ARSG: variants seen among roughly 807,000 people sequenced by gnomAD.
ARSG encodes ASG.
ARSG carries 37 observed loss-of-function variants against 50.5 expected under a neutral mutation model. That is an observed-to-expected ratio of 0.73 (90% CI 0.56 to 0.96). ARSG has a LOEUF of 0.96. Among genes scored for constraint, ARSG ranks in the 50% least tolerant of loss-of-function variants. The pLI, the probability that ARSG is intolerant of heterozygous loss-of-function variation, is 0.00. For missense variants in ARSG, 629 were observed against 675.3 expected (o/e 0.93, Z 0.76); for synonymous variants, 225 against 254.6 (o/e 0.88, Z 1.11).
At chr17:68,314,525 CAAAAAAAAA>C (rs57021660) in intron 2 of ARSG, among the ~76,000 whole-genome samples, 1 of 117,006 alleles carries the variant, frequency 8.5e-6, no homozygotes. Context: ...GACTCCATCT[CAAAAAAAAA>C]AAAAAAAAAA....
chr17:68,450,982 G>A, the ARSG span: 2 of 1,506,166 alleles, frequency 1.3e-6, no homozygotes, highest in Admixed American at 4.7e-5. Context: ...GCCCGGCGCA[G>A]GCCAGGTTCC....
intron 10 of ARSG, chr17:68,401,137 C>A (rs778056163): frequency 7.7e-6 from 4 of 518,072 alleles, no homozygotes; most frequent in Non-Finnish European, 1.4e-5. Context: ...AATCCTCTCA[C>A]CTCAGCTTCC....
the ARSG span, chr17:68,433,344 G>A: frequency 1.7e-5 from 16 of 929,332 alleles, no homozygotes; most frequent in African/African-American, 2.5e-4. Flanking sequence ...CATCACTTAG[G>A]TGAAGTCCCA....
intron 11 of ARSG, among the ~76,000 whole-genome samples, chr17:68,414,769 T>C (rs1394892191): frequency 6.6e-6 from 1 of 152,186 alleles, no homozygotes; most frequent in Non-Finnish European, 1.5e-5. Context: ...AGGAGGGTTG[T>C]ATTTTTCCAG....
chr17:68,375,718 C>T (rs1279512009), intron 8 of ARSG, among the ~76,000 whole-genome samples: 1 of 152,056 alleles, frequency 6.6e-6, no homozygotes, highest in Non-Finnish European at 1.5e-5. Flanking sequence ...CAGGAATTGG[C>T]AGGAGAAGAG....
At chr17:68,344,525 C>A (rs554694522) in intron 3 of ARSG, among the ~76,000 whole-genome samples, 3 of 152,202 alleles carry the variant, frequency 2.0e-5, no homozygotes, top group Non-Finnish European at 4.4e-5. Flanking sequence ...TGTTTATTGG[C>A]ATGAAGATGA....
chr17:68,451,360 G>A, the ARSG span, among the ~76,000 whole-genome samples: 1 of 152,310 alleles, frequency 6.6e-6, no homozygotes, highest in East Asian at 1.9e-4. Flanking sequence ...CCTGAACCCA[G>A]GAGGAAGAGA....
chr17:68,316,817 C>T (rs2077086446), intron 2 of ARSG, among the ~76,000 whole-genome samples: 1 of 152,158 alleles, frequency 6.6e-6, no homozygotes, highest in Non-Finnish European at 1.5e-5. Flanking sequence ...ACAATTCCCT[C>T]CTCTGGCTGG....
intron 8 of ARSG, among the ~76,000 whole-genome samples, chr17:68,373,827 T>C (rs994469508): frequency 6.6e-6 from 1 of 151,974 alleles, no homozygotes; most frequent in South Asian, 2.1e-4. Flanking sequence ...CAAAAGAAGA[T>C]GCTAAGGAGG....
intron 3 of ARSG, chr17:68,346,719 C>T (rs1338457493): frequency 8.1e-7 from 1 of 1,239,994 alleles, no homozygotes; most frequent in South Asian, 1.3e-5. Context: ...GCGGGCATTT[C>T]TGAGACGATG....
chr17:68,358,658 C>T (rs1599867362), intron 6 of ARSG, among the ~76,000 whole-genome samples: 1 of 151,766 alleles, frequency 6.6e-6, no homozygotes, highest in Non-Finnish European at 1.5e-5. Context: ...CACCGCACTC[C>T]AGCCTGGGCG....
upstream of ARSG, among the ~76,000 whole-genome samples, chr17:68,289,770 A>C (rs1555755196): frequency 1.3e-5 from 2 of 152,188 alleles, no homozygotes; most frequent in Non-Finnish European, 2.9e-5. Context: ...TGTCCTCCTC[A>C]GGAGTTCCAC....
chr17:68,368,796 C>T (rs764481315), intron 7 of ARSG, 52 bp downstream of exon 7: 8 of 1,578,682 alleles, frequency 5.1e-6, no homozygotes, highest in Non-Finnish European at 6.9e-6. Context: ...GACAACCTTG[C>T]ACATTACCTG....
chr17:68,271,436 C>T lies in ARSG; in HGVS notation c.-552+12010C>T. 1.2e-6 allele frequency: 2 copies of T among 1,614,218 alleles called. No homozygotes were observed. On this transcript the variant is annotated intron_variant, in intron 1 of 11. Coordinates refer to the ARSG transcript ENST00000448504. The surrounding 1 kb of genome is among the most constrained non-coding windows in gnomAD (Gnocchi z 5.3). Reference sequence around the variant, plus strand: ...TTTTTAGGTGAGGTAGTTAGTTCTACTCCTGAGTCAATGGAGTCTATTGAG... The same window carrying T: ...TTTTTAGGTGAGGTAGTTAGTTCTATTCCTGAGTCAATGGAGTCTATTGAG...
intron 9 of ARSG, among the ~76,000 whole-genome samples, chr17:68,387,214 G>A (rs150070356): frequency 3.3e-4 from 50 of 152,026 alleles, no homozygotes; most frequent in African/African-American, 1.1e-3. Context: ...CTGCAGCCTT[G>A]AACTCCTGGG....
At chr17:68,415,583 C>G (rs1286052541) in intron 11 of ARSG, among the ~76,000 whole-genome samples, 1 of 152,160 alleles carries the variant, frequency 6.6e-6, no homozygotes, top group Non-Finnish European at 1.5e-5. Flanking sequence ...TGTTGACTTT[C>G]TTTCTTGATG....
At chr17:68,268,198 C>T (rs1429316378) in intron 1 of ARSG, 1 of 152,412 alleles carries the variant, frequency 6.6e-6, no homozygotes, top group Non-Finnish European at 1.5e-5. Context: ...GGTAAAAATG[C>T]TGCTTATGTC....
chr17:68,397,058 G>A (rs2081279473), intron 10 of ARSG, among the ~76,000 whole-genome samples: 1 of 152,186 alleles, frequency 6.6e-6, no homozygotes. Context: ...GACGTTGTCG[G>A]TACTGCCTGT....
At position 68,409,261 on chromosome 17, in the gene ARSG, C is replaced by T. The variant is rs1245962496; in HGVS notation, c.1303+7811C>T. Among the ~76,000 whole-genome samples, 244 of 137,666 alleles carry T rather than the reference C, an allele frequency of 1.8e-3. 1 individual carries two copies. The highest frequency in any genetic ancestry group is 6.3e-3 in the African/African-American group (227 of 35,752). The allele number at this position is 137,666 out of a possible 152,430, so 90.3% of individuals were successfully genotyped here. A position where few individuals can be genotyped will look rare whatever the true frequency, so the allele number is the denominator to read the frequency against. ...AGGGTTTTTATGGTTTTAGGTCTAACGTTTAAGTCTTTAATCCATCTTGAA... is the reference window on the plus strand; with the variant it reads ...AGGGTTTTTATGGTTTTAGGTCTAATGTTTAAGTCTTTAATCCATCTTGAA... On this transcript the variant is annotated intron_variant, in intron 11 of 11. Transcript: ENST00000621439.
Sources: gnomAD v4.1 joint callset for allele counts (sites outside exome capture counted in the v4.1 genomes callset) on GRCh38, gnomAD v4.1.1 for gene constraint, Gnocchi (gnomAD v3.1) non-coding constraint, MANE v1.5 for transcripts, NCBI Gene and HGNC (gene_info 2026-07-23, HGNC 2026-07-21) for gene names.